SIGLEC1: variants seen among roughly 807,000 people sequenced by gnomAD.
SIGLEC1 encodes the protein sialic acid binding Ig like lectin 1, also known as sialoadhesin.
A neutral mutation model predicts 148.0 loss-of-function variants in SIGLEC1; 132 were observed. That is an observed-to-expected ratio of 0.89 (90% CI 0.77 to 1.03). SIGLEC1 has a LOEUF of 1.03. Among genes scored for constraint, SIGLEC1 ranks in the 50% least tolerant of loss-of-function variants. SIGLEC1 has a pLI of 0.00. For synonymous variants in SIGLEC1, 945 were observed against 969.0 expected (o/e 0.98, Z 0.46); for missense variants, 2,253 against 2,271.4 (o/e 0.99, Z 0.16).
Position 3,701,369 on chromosome 20 carries a change from T to C in SIGLEC1, c.1501A>G (p.Thr501Ala), listed in dbSNP as rs201722567. The change falls in exon 7 of 22, where the codon ACC becomes GCC. Residue 501 changes from threonine (T) to alanine (A), a missense_variant. Coordinates refer to ENST00000344754, the MANE Select transcript of SIGLEC1 (RefSeq NM_023068.4). ...CSATNSLGNA[T>A]STLDFHANAA... The stretch of plus-strand genomic sequence containing the variant: ...TTGGCATGGAAGTCCAGGGTGGAGG[T>C]TGCATTTCCAAGGGAGTTGGTGGCT... 1.9e-6 allele frequency: 3 copies of C among 1,613,180 alleles called. No individual in the cohort carries two copies. Among genetic ancestry groups the C allele is most frequent in the East Asian group, 2.2e-5 (1 of 44,866 alleles).
intron 15 of SIGLEC1, 30 bp downstream of exon 15, chr20:3,692,832 C>G (rs1348412771): frequency 6.2e-7 from 1 of 1,601,460 alleles, no homozygotes; most frequent in Non-Finnish European, 8.5e-7. Flanking sequence ...GGCTTCCATC[C>G]CAGTGGGCTT....
At chr20:3,699,736 G>C (rs1016916464) in intron 7 of SIGLEC1, among the ~76,000 whole-genome samples, 1 of 152,140 alleles carries the variant, frequency 6.6e-6, no homozygotes, top group African/African-American at 2.4e-5. Context: ...TAGCACTTTG[G>C]GAGACTGAGG....
In SIGLEC1 at chr20:3,711,698, T is replaced by C. The variant is rs150622725; in HGVS notation, c.-110+772A>G. Reference sequence around the variant, plus strand: ...GCCAAATGTTTAATTCTCAGAGCCATAGAATCCATAACTAATGCTTATTGG... The same window carrying C: ...GCCAAATGTTTAATTCTCAGAGCCACAGAATCCATAACTAATGCTTATTGG... On this transcript the variant is annotated intron_variant, in intron 1 of 21. Transcript: ENST00000344754. 8.8e-3 allele frequency among the ~76,000 whole-genome samples: 1,347 copies of C among 152,312 alleles called. 12 individuals are homozygous for C. Among genetic ancestry groups the C allele is most frequent in the Middle Eastern group, 0.017 (5 of 294 alleles).
intron 4 of SIGLEC1, among the ~76,000 whole-genome samples, chr20:3,704,750 G>A (rs552116047): frequency 6.6e-6 from 1 of 152,236 alleles, no homozygotes; most frequent in African/African-American, 2.4e-5. Flanking sequence ...CCGAGGAACT[G>A]GGACTACAGG....
chr20:3,688,379 C>T lies in SIGLEC1; in HGVS notation c.*181G>A. 1 of 659,818 alleles carries T rather than the reference C, an allele frequency of 1.5e-6. No homozygotes were observed. The highest frequency in any genetic ancestry group is 2.8e-6 in the Non-Finnish European group (1 of 361,846). The allele number at this position is 659,818 out of a possible 1,614,324, so 40.9% of individuals were successfully genotyped here. A position where few individuals can be genotyped will look rare whatever the true frequency, so the allele number is the denominator to read the frequency against. On this transcript the variant is annotated 3_prime_UTR_variant, in exon 22 of 22. Coordinates refer to ENST00000344754, the MANE Select transcript of SIGLEC1 (RefSeq NM_023068.4). ...CAGGGTCAACACCCTCCTGGGCAGA[C>T]CTCTCACCACCCATTTTTGGGGGGG...
In SIGLEC1 at chr20:3,690,250, G is replaced by A. The variant is rs796659850; in HGVS notation, c.4606C>T (p.Pro1536Ser). 2 of 1,547,260 alleles carry A rather than the reference G, an allele frequency of 1.3e-6. No individual in the cohort carries two copies. The highest frequency in any genetic ancestry group is 3.9e-5 in the Admixed American group (2 of 51,018). ...MLRVLYPPKT[P>S]TMMVFVEPEG... ...GGCTCCACGAAGACCATCATGGTGG[G>A]CGTCTTGGGAGGGTCTGTGGGGAGG... Residue 1536 changes from proline (P) to serine (S), a missense_variant, in exon 19 of 22, where the codon CCC (proline) becomes TCC (serine). Coordinates refer to ENST00000344754, the MANE Select transcript of SIGLEC1 (RefSeq NM_023068.4).
Position 3,692,545 on chromosome 20 carries a change from G to T in SIGLEC1, c.4006C>A (p.Arg1336Ser). The change falls in exon 16 of 22, where the codon CGT becomes AGT. Residue 1336 changes from arginine (R) to serine (S), a missense_variant. Arg to Ser is a moderately radical substitution (Grantham distance 110). Transcript: ENST00000344754. ...AQDAQGTRSS[R>S]PAALQVLYAP... Reference sequence around the variant, plus strand: ...CAGAGGACTTGCAGGGCAGCAGGACGGGAGCTGCGGGTGCCCTGGGCATCC... The same window carrying T: ...CAGAGGACTTGCAGGGCAGCAGGACTGGAGCTGCGGGTGCCCTGGGCATCC... The T allele has an allele frequency of 6.2e-7, 1 of 1,602,616 alleles. No individual in the cohort carries two copies.
rs765657752 is a variant in SIGLEC1 at position 3,701,302 on chromosome 20, G to C, written c.1528+40C>G. On this transcript the variant is annotated intron_variant, in intron 7 of 21. Transcript: ENST00000344754. ...ACAGACTGGAGCAGGCTCCTCCTCAGGCTCCCTCCACTCTCCCTGGCTGCC... is the reference window on the plus strand; with the variant it reads ...ACAGACTGGAGCAGGCTCCTCCTCACGCTCCCTCCACTCTCCCTGGCTGCC... 5 of 1,541,662 alleles carry C rather than the reference G, an allele frequency of 3.2e-6. No homozygotes were observed. In the Admixed American group the frequency reaches 7.3e-5, roughly 23 times the overall value.
rs986270795 is a variant in SIGLEC1, at chr20:3,689,842, A to G, written c.4894+120T>C. 5.2e-6 allele frequency: 6 copies of G among 1,162,670 alleles called. No homozygotes were observed. In the Admixed American group the frequency reaches 1.1e-4, roughly 21 times the overall value. The allele number at this position is 1,162,670 out of a possible 1,614,324, so 72.0% of individuals were successfully genotyped here. ...CCACACAAGGGTGCCCCGAGCAATC[A>G]GTTTAGAGTCGACAGGCAAATCATG... On this transcript the variant is annotated intron_variant, in intron 19 of 21. Coordinates refer to ENST00000344754, the MANE Select transcript of SIGLEC1 (RefSeq NM_023068.4).
rs1460834477 is a variant in SIGLEC1, at chr20:3,694,678, T to C, written c.2929A>G (p.Ser977Gly). 1.2e-6 allele frequency: 2 copies of C among 1,613,304 alleles called. No homozygotes were observed. The highest frequency in any genetic ancestry group is 1.7e-6 in the Non-Finnish European group (2 of 1,179,658). The change falls in exon 12 of 22, where the codon AGC becomes GGC. Residue 977 changes from serine to glycine, a missense_variant. Ser to Gly is a moderately conservative substitution (Grantham distance 56). Coordinates refer to ENST00000344754, the MANE Select transcript of SIGLEC1 (RefSeq NM_023068.4). ...SATTSLAAPI[S>G]LHVSYAPRHV... The stretch of plus-strand genomic sequence containing the variant: ...AAGTCCTTACAGGACACGTGGAGGC[T>C]GATGGGTGCAGCTAGGCTCGTGGTG...
rs140451876 is a variant in SIGLEC1, at chr20:3,688,804, C to A, written c.5071-185G>T. On this transcript the variant is annotated intron_variant, in intron 21 of 21. Transcript: ENST00000344754. The stretch of plus-strand genomic sequence containing the variant: ...GGGACACACCACAGGGGAGGAGAAA[C>A]TGACTTTCACTTCTGCCCAGGTGAC... 2.4e-4 allele frequency: 145 copies of A among 603,068 alleles called. No individual in the cohort carries two copies. The African/African-American group carries it at 2.6e-3, about 11-fold the overall frequency. The allele number at this position is 603,068 out of a possible 1,614,324, so 37.4% of individuals were successfully genotyped here.
At chr20:3,696,129 T>C (rs58544883) in intron 11 of SIGLEC1, among the ~76,000 whole-genome samples, 12,287 of 142,340 alleles carry the variant, frequency 0.086, 579 homozygotes, top group East Asian at 0.1. Flanking sequence ...ACTATATATA[T>C]ACACACACAC....
chr20:3,690,912 C>A (rs1328847863), intron 18 of SIGLEC1, among the ~76,000 whole-genome samples: 9 of 150,108 alleles, frequency 6.0e-5, no homozygotes, highest in Admixed American at 2.0e-4. Flanking sequence ...CTCACTGCAA[C>A]CTCCACCTCC....
At chr20:3,691,768 C>T in intron 17 of SIGLEC1, 135 bp downstream of exon 17, 2 of 1,330,930 alleles carry the variant, frequency 1.5e-6, no homozygotes, top group Non-Finnish European at 2.1e-6. Flanking sequence ...AGCTGTGCCC[C>T]CTCCACCAGA....
intron 6 of SIGLEC1, 145 bp downstream of exon 6, chr20:3,703,052 G>A (rs944752478): frequency 1.4e-5 from 12 of 856,240 alleles, no homozygotes; most frequent in Non-Finnish European, 2.2e-5. Context: ...TTGCCCAGGT[G>A]TGCAGAGCTG....
Position 3,711,114 on chromosome 20 carries a change from G to C in SIGLEC1, c.-110+1356C>G, listed in dbSNP as rs144832996. 6.5e-3 allele frequency among the ~76,000 whole-genome samples: 992 copies of C among 152,316 alleles called. 10 individuals carry two copies. Among genetic ancestry groups the C allele is most frequent in the African/African-American group, 0.023 (938 of 41,570 alleles). On this transcript the variant is annotated intron_variant, in intron 1 of 21. Transcript: ENST00000344754. ...AATTGCGGGTCCCGGGAAAGGGGGC[G>C]GTGTGCCAGCAACAGGGAGCAGGCA...
In SIGLEC1 at chr20:3,710,489, G is replaced by C. The variant is rs2087922098; in HGVS notation, c.-110+1981C>G. 6.6e-6 allele frequency among the ~76,000 whole-genome samples: 1 copy of C among 152,204 alleles called. No individual in the cohort carries two copies. Among genetic ancestry groups the C allele is most frequent in the Admixed American group, 6.5e-5 (1 of 15,282 alleles). On this transcript the variant is annotated intron_variant, in intron 1 of 21. Transcript: ENST00000344754. The surrounding 1 kb of genome is among the most constrained non-coding windows in gnomAD (Gnocchi z 4.6). ...AGCCCTAGGCCTCCTCCTCTTCTGG[G>C]AAGATGCACCCCCAGCCTCCACACC... is the stretch of plus-strand genomic sequence containing the variant.
rs1600278207 is a variant in SIGLEC1 at position 3,689,960 on chromosome 20, A to C, written c.4894+2T>G. On this transcript the variant is annotated splice_donor_variant, in intron 19 of 21. Coordinates refer to ENST00000344754, the MANE Select transcript of SIGLEC1 (RefSeq NM_023068.4). LOFTEE classifies it high-confidence loss of function. ...CTGGGAGATGGAGCCCCCTCCCCTC[A>C]CCTCTGACCCCAAAGTAGGTGGAGG... 1 of 1,609,834 alleles carries C rather than the reference A, an allele frequency of 6.2e-7. No homozygotes were observed. The highest frequency in any genetic ancestry group is 2.2e-5 in the East Asian group (1 of 44,770).
chr20:3,701,617 G>A lies in SIGLEC1; in HGVS notation c.1253C>T (p.Thr418Ile), dbSNP rs758178327. ...TCCCGCCTGGGTCTCCAGGAAGGCT[G>A]TCAGGACTGGAGTGAGAGGCGGGTC... ...VNHPPLTPVL[T>I]AFLETQAGLV... Residue 418 changes from threonine to isoleucine, a missense_variant, in exon 7 of 22, where the codon ACA becomes ATA. By Grantham distance (89) the Thr-to-Ile change is moderately conservative (BLOSUM62 -1). Transcript: ENST00000344754. The A allele has an allele frequency of 1.9e-6, 3 of 1,581,308 alleles. No homozygotes were observed. The highest frequency in any genetic ancestry group is 2.6e-6 in the Non-Finnish European group (3 of 1,158,970).
Sources: allele counts gnomAD v4.1 joint callset (sites outside exome capture counted in the v4.1 genomes callset), GRCh38; gene constraint gnomAD v4.1.1; non-coding constraint Gnocchi (gnomAD v3.1); transcripts MANE v1.5; gene names NCBI Gene and HGNC (gene_info 2026-07-23, HGNC 2026-07-21).